PARP8: variants seen among roughly 807,000 people sequenced by gnomAD.
The protein encoded by PARP8 is protein mono-ADP-ribosyltransferase PARP8.
Under a neutral mutation model 124.1 loss-of-function variants are expected in PARP8, and 51 were observed. The ratio of observed to expected loss-of-function variants is 0.41; its 90% CI spans 0.33 to 0.52. PARP8 has a LOEUF of 0.52. Among genes scored for constraint, PARP8 ranks in the 20% least tolerant of loss-of-function variants. The pLI is 0.21. For missense variants in PARP8, 860 were observed against 1,018.9 expected (o/e 0.84, Z 2.12); for synonymous variants, 391 against 361.5 (o/e 1.08, Z -0.93).
chr5:50,684,880 G>C (rs1198232397), intron 2 of PARP8, among the ~76,000 whole-genome samples: 1 of 152,144 alleles, frequency 6.6e-6, no homozygotes, highest in Admixed American at 6.5e-5. Context: ...GTGCTTGAAA[G>C]GCTATCAGGG....
chr5:50,703,428 T>C (rs1342112776), intron 2 of PARP8, among the ~76,000 whole-genome samples: 3 of 152,150 alleles, frequency 2.0e-5, no homozygotes, highest in African/African-American at 7.2e-5. Context: ...AGAGATGATA[T>C]TTGAACTGTC....
chr5:50,760,460 T>G, intron 5 of PARP8, 98 bp downstream of exon 5: 2 of 954,988 alleles, frequency 2.1e-6, no homozygotes, highest in South Asian at 6.0e-5. Flanking sequence ...GAGACTAAAA[T>G]GGTATATGGT....
intron 12 of PARP8, among the ~76,000 whole-genome samples, chr5:50,796,249 C>T (rs533385397): frequency 6.6e-6 from 1 of 151,840 alleles, no homozygotes; most frequent in South Asian, 2.1e-4. Flanking sequence ...AAACACTCAG[C>T]AAGAGATGAA....
At chr5:50,837,816 A>C (rs534957326) in intron 25 of PARP8, among the ~76,000 whole-genome samples, 1 of 152,204 alleles carries the variant, frequency 6.6e-6, no homozygotes, top group Admixed American at 6.6e-5. Flanking sequence ...GAAGAGAATT[A>C]GAAGTTCAAA....
At chr5:50,767,545 T>G (rs1281780437) in intron 7 of PARP8, among the ~76,000 whole-genome samples, 2 of 152,244 alleles carry the variant, frequency 1.3e-5, no homozygotes, top group Non-Finnish European at 2.9e-5. Context: ...CTAGCAAAAC[T>G]GAAGATTTTT....
intron 2 of PARP8, among the ~76,000 whole-genome samples, chr5:50,703,912 A>C (rs1185203257): frequency 6.6e-6 from 1 of 151,004 alleles, no homozygotes; most frequent in Non-Finnish European, 1.5e-5. Flanking sequence ...TTTAAATTTC[A>C]TTCTTCCAAC....
At chr5:50,771,350 G>T (rs777666984) in intron 7 of PARP8, among the ~76,000 whole-genome samples, 1 of 151,726 alleles carries the variant, frequency 6.6e-6, no homozygotes, top group Non-Finnish European at 1.5e-5. Flanking sequence ...GTAGAGACGG[G>T]GTTTCACCAT....
intron 2 of PARP8, among the ~76,000 whole-genome samples, chr5:50,700,215 T>G (rs1197124058): frequency 7.2e-5 from 11 of 152,086 alleles, no homozygotes. Flanking sequence ...GGTTTAGGGG[T>G]GAAAAGGTAG....
At chr5:50,779,559 T>G (rs1740435700) in intron 9 of PARP8, among the ~76,000 whole-genome samples, 1 of 152,198 alleles carries the variant, frequency 6.6e-6, no homozygotes, top group Admixed American at 6.5e-5. Context: ...CCATGGTGAC[T>G]GGGATGCAAA....
intron 9 of PARP8, among the ~76,000 whole-genome samples, chr5:50,785,194 ATGTTTGAAAT>A (rs1463851615): frequency 6.6e-6 from 1 of 152,088 alleles, no homozygotes; most frequent in African/African-American, 2.4e-5. Context: ...TATTGAGTCA[ATGTTTGAAAT>A]TTATGTTTTT....
intron 15 of PARP8, among the ~76,000 whole-genome samples, chr5:50,817,214 G>A (rs1030335962): frequency 6.6e-6 from 1 of 152,102 alleles, no homozygotes; most frequent in African/African-American, 2.4e-5. Context: ...AAAATTAATG[G>A]TTTTGAATAG....
At chr5:50,801,564 A>G (rs1182354526) in intron 14 of PARP8, among the ~76,000 whole-genome samples, 1 of 152,086 alleles carries the variant, frequency 6.6e-6, no homozygotes, top group Non-Finnish European at 1.5e-5. Context: ...TTCATTCCTG[A>G]TGTTGAACAT....
At chr5:50,820,686 C>T (rs891802388) in intron 15 of PARP8, among the ~76,000 whole-genome samples, 13 of 152,198 alleles carry the variant, frequency 8.5e-5, no homozygotes, top group African/African-American at 2.4e-4. Flanking sequence ...AACAGCTTCT[C>T]GCCAGATGGT....
intron 2 of PARP8, among the ~76,000 whole-genome samples, chr5:50,723,768 A>G (rs1372853675): frequency 6.6e-6 from 1 of 152,104 alleles, no homozygotes; most frequent in East Asian, 1.9e-4. Context: ...CAGGCTTTTT[A>G]CTATTCTTTA....
intron 17 of PARP8, among the ~76,000 whole-genome samples, chr5:50,823,103 T>C (rs1745950693): frequency 6.6e-6 from 1 of 152,204 alleles, no homozygotes; most frequent in Non-Finnish European, 1.5e-5. Flanking sequence ...TTGCATGTAG[T>C]GGTTTCAAGG....
chr5:50,766,994 G>T (rs1355435303), intron 7 of PARP8, among the ~76,000 whole-genome samples: 1 of 152,106 alleles, frequency 6.6e-6, no homozygotes. Context: ...TCCTGTTCTG[G>T]TCTTATGGTA....
intron 2 of PARP8, among the ~76,000 whole-genome samples, chr5:50,707,761 G>A (rs1308106502): frequency 6.6e-6 from 1 of 151,972 alleles, no homozygotes; most frequent in African/African-American, 2.4e-5. Flanking sequence ...ATTTCTTCAA[G>A]TAAGCACATA....
At chr5:50,692,524 G>GC (rs1752603112) in intron 2 of PARP8, among the ~76,000 whole-genome samples, 1 of 150,408 alleles carries the variant, frequency 6.6e-6, no homozygotes, top group Non-Finnish European at 1.5e-5. Context: ...TTAGCACAGT[G>GC]TTTTTTTTTC....
chr5:50,836,609 T>C (rs999283970), intron 25 of PARP8, among the ~76,000 whole-genome samples: 1 of 152,108 alleles, frequency 6.6e-6, no homozygotes, highest in Non-Finnish European at 1.5e-5. Flanking sequence ...GTCAGGCTCC[T>C]GGGGCAGAAC....
Sources: allele counts gnomAD v4.1 joint callset (sites outside exome capture counted in the v4.1 genomes callset), GRCh38; gene constraint gnomAD v4.1.1; transcripts MANE v1.5; gene names NCBI Gene and HGNC (gene_info 2026-07-23, HGNC 2026-07-21).